SLC15A1: variants seen among roughly 807,000 people sequenced by gnomAD.
SLC15A1 encodes solute carrier family 15 member 1, also known as Caco-2 oligopeptide transporter.
SLC15A1 carries 83 observed loss-of-function variants against 92.9 expected under a neutral mutation model. That is an observed-to-expected ratio of 0.89 (90% CI 0.75 to 1.07). The LOEUF (loss-of-function observed/expected upper bound fraction) is 1.07. Ranked by LOEUF, SLC15A1 falls within the 50% of genes least tolerant of loss-of-function variation. The pLI, the probability that SLC15A1 is intolerant of heterozygous loss-of-function variation, is 0.00. For missense variants in SLC15A1, 857 were observed against 880.1 expected, an observed-to-expected ratio of 0.97 and a Z score of 0.33; for synonymous variants, 322 against 318.2, an observed-to-expected ratio of 1.01 and a Z score of -0.13.
At chr13:98,706,317 C>A (rs2088112623) in intron 15 of SLC15A1, 64 bp from the exon 16 acceptor site, 10 of 1,577,900 alleles carry the variant, frequency 6.3e-6, no homozygotes, top group Admixed American at 1.8e-5. Context: ...TCATCTTAAC[C>A]CTGACAAGGG....
intron 1 of SLC15A1, among the ~76,000 whole-genome samples, chr13:98,734,762 A>G (rs1290314763): frequency 6.6e-6 from 1 of 152,196 alleles, no homozygotes; most frequent in Admixed American, 6.5e-5. Context: ...TCCTGGACAC[A>G]TACACCCTCC....
intron 1 of SLC15A1, among the ~76,000 whole-genome samples, chr13:98,746,826 G>T (rs560185436): frequency 6.6e-6 from 1 of 152,164 alleles, no homozygotes; most frequent in Non-Finnish European, 1.5e-5. Context: ...CCGCAGCCCG[G>T]TGAGGAGCTT....
chr13:98,707,631 G>A (rs1043819026), intron 15 of SLC15A1, among the ~76,000 whole-genome samples: 4 of 152,138 alleles, frequency 2.6e-5, no homozygotes, highest in African/African-American at 4.8e-5. Flanking sequence ...ATATGTGACC[G>A]GGCATGGGGG....
intron 2 of SLC15A1, 180 bp from the exon 3 acceptor site, chr13:98,726,629 A>T (rs1321479031): frequency 2.0e-5 from 15 of 749,622 alleles, no homozygotes; most frequent in Non-Finnish European, 1.6e-5. Flanking sequence ...CCACATAGAG[A>T]CAGCAATGAA....
At chr13:98,727,876 C>T (rs2088315736) in intron 1 of SLC15A1, among the ~76,000 whole-genome samples, 1 of 152,198 alleles carries the variant, frequency 6.6e-6, no homozygotes. Context: ...CATGCTCCAC[C>T]TCCATTAGGA....
chr13:98,734,957 G>T (rs1339203497), intron 1 of SLC15A1, among the ~76,000 whole-genome samples: 2 of 152,214 alleles, frequency 1.3e-5, no homozygotes, highest in Non-Finnish European at 2.9e-5. Flanking sequence ...AATAGAAAAA[G>T]AGGGAATCCT....
chr13:98,740,386 C>T (rs1009184508), intron 1 of SLC15A1, among the ~76,000 whole-genome samples: 1 of 152,178 alleles, frequency 6.6e-6, no homozygotes, highest in African/African-American at 2.4e-5. Flanking sequence ...ACCTTGCGTG[C>T]TCTCTCCTTC....
intron 8 of SLC15A1, among the ~76,000 whole-genome samples, chr13:98,718,712 G>T (rs1353713438): frequency 6.6e-6 from 1 of 152,176 alleles, no homozygotes; most frequent in Non-Finnish European, 1.5e-5. Context: ...GGGAGGCAGA[G>T]CCAGGAGAAT....
rs113824127 is a variant in SLC15A1, at chr13:98,684,513, C to A, written c.*211G>T. 4,463 of 389,380 alleles carry A rather than the reference C, an allele frequency of 0.011. 45 individuals are homozygous for A. Among genetic ancestry groups the A allele is most frequent in the South Asian group, 0.032 (654 of 20,426 alleles). 24.1% of individuals were successfully genotyped at this position (389,380 alleles called of 1,614,324 possible). ...TGAGCTGAGATCGTGCCATTGCACT[C>A]CAGCCTGGACAACAAGAGCAAAACT... On this transcript the variant is annotated 3_prime_UTR_variant, in exon 23 of 23. Transcript: ENST00000376503.
chr13:98,727,798 C>T (rs2088314994), intron 1 of SLC15A1, among the ~76,000 whole-genome samples: 1 of 152,224 alleles, frequency 6.6e-6, no homozygotes, highest in Non-Finnish European at 1.5e-5. Flanking sequence ...ACAGGACATC[C>T]ATCCCCTTCC....
intron 14 of SLC15A1, among the ~76,000 whole-genome samples, chr13:98,709,011 C>T (rs1224801709): frequency 3.3e-5 from 5 of 150,396 alleles, no homozygotes; most frequent in Admixed American, 6.6e-5. Context: ...TCTGTCACCC[C>T]GGCTGGAGTG....
At chr13:98,725,429 A>G (rs1430530079) in intron 4 of SLC15A1, among the ~76,000 whole-genome samples, 4 of 151,864 alleles carry the variant, frequency 2.6e-5, no homozygotes, top group Admixed American at 2.6e-4. Context: ...CTCTTTAGTG[A>G]CCTCACACCA....
Position 98,684,698 on chromosome 13 carries a change from T to G in SLC15A1, c.*26A>C. ...GAGGTCAGGGCATCTGCGGGCCCAG[T>G]CCATCCTCCACTTGCCTCCTGACCT... On this transcript the variant is annotated 3_prime_UTR_variant, in exon 23 of 23. Transcript: ENST00000376503. 1 of 1,606,272 alleles carries G rather than the reference T, an allele frequency of 6.2e-7. No individual in the cohort carries two copies. Among genetic ancestry groups the G allele is most frequent in the Non-Finnish European group, 8.5e-7 (1 of 1,173,890 alleles).
rs1186066306 is a variant in SLC15A1, at chr13:98,684,582, A to T, written c.*142T>A. 38 of 524,346 alleles carry T rather than the reference A, an allele frequency of 7.2e-5. No homozygotes were observed. Among genetic ancestry groups the T allele is most frequent in the African/African-American group, 7.2e-4 (37 of 51,620 alleles). The allele number at this position is 524,346 out of a possible 1,614,324, so 32.5% of individuals were successfully genotyped here. ...AAAAAAAAAAAAGAAAAGAAAAAGA[A>T]AAAAGAAAATAGCATTCATGGTTTA... On this transcript the variant is annotated 3_prime_UTR_variant, in exon 23 of 23. Coordinates refer to ENST00000376503, the MANE Select transcript of SLC15A1 (RefSeq NM_005073.4).
intron 12 of SLC15A1, 37 bp downstream of exon 12, chr13:98,709,830 G>T (rs777612994): frequency 1.2e-6 from 2 of 1,614,182 alleles, no homozygotes; most frequent in Non-Finnish European, 1.7e-6. Flanking sequence ...GAAGAAGAAA[G>T]GGGACAAAGA....
At chr13:98,740,029 G>A (rs751471931) in intron 1 of SLC15A1, among the ~76,000 whole-genome samples, 4 of 152,156 alleles carry the variant, frequency 2.6e-5, no homozygotes, top group East Asian at 1.9e-4. Flanking sequence ...TAGAAGTGCC[G>A]ATGATGTCAC....
In SLC15A1 at chr13:98,721,068, A is replaced by G. The variant is rs539720904; in HGVS notation, c.556+427T>C. 3.0e-5 allele frequency: 14 copies of G among 463,258 alleles called. 1 individual carries two copies. Among genetic ancestry groups the G allele is most frequent in the South Asian group, 2.0e-4 (13 of 64,172 alleles). 28.7% of individuals were successfully genotyped at this position (463,258 alleles called of 1,614,324 possible). The stretch of plus-strand genomic sequence containing the variant: ...CTCCTTCTAAAAACAAAACAAAACA[A>G]ACAAAAAATCAATACAATTTTGCCC... On this transcript the variant is annotated intron_variant, in intron 7 of 22. Coordinates refer to ENST00000376503, the MANE Select transcript of SLC15A1 (RefSeq NM_005073.4).
chr13:98,747,794 T>A (rs1317965470), intron 1 of SLC15A1, among the ~76,000 whole-genome samples: 1 of 152,084 alleles, frequency 6.6e-6, no homozygotes, highest in African/African-American at 2.4e-5. Context: ...GACAGGAGAA[T>A]TGCTTGAACT....
chr13:98,723,135 C>T (rs1486139013), intron 5 of SLC15A1, among the ~76,000 whole-genome samples: 1 of 152,094 alleles, frequency 6.6e-6, no homozygotes, highest in Non-Finnish European at 1.5e-5. Flanking sequence ...AGAACACCTC[C>T]CCAAGGCCAC....
Sources: gnomAD v4.1 joint callset for allele counts (sites outside exome capture counted in the v4.1 genomes callset) on GRCh38, gnomAD v4.1.1 for gene constraint, MANE v1.5 for transcripts, NCBI Gene and HGNC (gene_info 2026-07-23, HGNC 2026-07-21) for gene names.